Variants in TTN observed in about 807,000 individuals in gnomAD.
TTN encodes titin, also known as connectin.
A neutral mutation model predicts 3,223.0 loss-of-function variants in TTN; 1,525 were observed. That is an observed-to-expected ratio of 0.47 (90% CI 0.45 to 0.49). The LOEUF (loss-of-function observed/expected upper bound fraction) is 0.49, where lower values mean the gene tolerates loss of function less well. Among genes scored for constraint, TTN ranks in the 20% least tolerant of loss-of-function variants. TTN has a pLI of 0.00. For synonymous variants in TTN, 14,094 were observed against 15,161.0 expected, an observed-to-expected ratio of 0.93 and a Z score of 5.17; for missense variants, 40,786 against 43,424.0, an observed-to-expected ratio of 0.94 and a Z score of 5.40.
In TTN at chr2:178,636,472, T is replaced by A; in HGVS notation, c.41255A>T (p.Asp13752Val). 1 of 1,613,340 alleles carries A rather than the reference T, an allele frequency of 6.2e-7. No individual in the cohort carries two copies. The highest frequency in any genetic ancestry group is 8.5e-7 in the Non-Finnish European group (1 of 1,179,538). The change falls in exon 225 of 363, where the codon GAT becomes GTT. Residue 13752 changes from aspartate (D) to valine (V), a missense_variant. Asp to Val is a radical substitution (Grantham distance 152). Transcript: ENST00000589042. The surrounding 1 kb of genome is among the most constrained non-coding windows in gnomAD (Gnocchi z 4.3). ...TAAAACACAGGTGTATTCACCAGCATCGGAAAGTTGAACATCAATGATGTG... is the reference window on the plus strand; with the variant it reads ...TAAAACACAGGTGTATTCACCAGCAACGGAAAGTTGAACATCAATGATGTG... The part of the protein sequence containing the change: ...KLHIIDVQLS[D>V]AGEYTCVLRL...
At position 178,539,136 on chromosome 2, in the gene TTN, G is replaced by A. The variant is rs372777049; in HGVS notation, c.98799C>T (p.Tyr32933=). The A allele has an allele frequency of 8.7e-6, 14 of 1,613,790 alleles. No homozygotes were observed. Among genetic ancestry groups the A allele is most frequent in the African/African-American group, 1.3e-5 (1 of 75,030 alleles). ...DDGGSRVTGY[Y]IERKETSTDK... ...CAGTGGATGTCTCTTTGCGTTCGATGTAGTAGCCTGTGACTCTAGAACCAC... is the reference window on the plus strand; with the variant it reads ...CAGTGGATGTCTCTTTGCGTTCGATATAGTAGCCTGTGACTCTAGAACCAC... The change falls in exon 353 of 363, where the codon TAC becomes TAT. Residue 32933 remains tyrosine, a synonymous_variant. Transcript: ENST00000589042.
chr2:178,684,738 G>A lies in TTN; in HGVS notation c.32566C>T (p.Pro10856Ser), dbSNP rs1201012470. Reference sequence around the variant, plus strand: ...TTTTTTTCTGGAACTGGTTTCTTTGGCTCTTCTGGCACTTAAAAGATACCA... The same window carrying A: ...TTTTTTTCTGGAACTGGTTTCTTTGACTCTTCTGGCACTTAAAAGATACCA... ...KVPPPKVPEE[P>S]KKPVPEKKVP... The change falls in exon 131 of 363, where the codon CCA becomes TCA. Residue 10856 changes from proline to serine, a missense_variant. Transcript: ENST00000589042. The A allele has an allele frequency of 1.9e-6, 3 of 1,613,106 alleles. No homozygotes were observed. The highest frequency in any genetic ancestry group is 1.7e-5 in the Admixed American group (1 of 59,918).
At position 178,714,130 on chromosome 2, in the gene TTN, G is replaced by A. The variant is rs72648990; in HGVS notation, c.26528C>T (p.Thr8843Met). Residue 8843 changes from threonine to methionine, a missense_variant, in exon 92 of 363, where the codon ACG becomes ATG. By Grantham distance (81) the Thr-to-Met change is moderately conservative (BLOSUM62 -1). Coordinates refer to ENST00000589042, the MANE Select transcript of TTN (RefSeq NM_001267550.2). ...ACACTCCAAGGTACAGGTGTCTCCC[G>A]TGGTAACTTTTATGGATTCTGGCTT... ...VEKPESIKVTTGDTCTLECTV... is the reference protein window; with the variant it reads ...VEKPESIKVTMGDTCTLECTV... The A allele has an allele frequency of 3.8e-4, 615 of 1,613,490 alleles. 2 individuals are homozygous for A. Among genetic ancestry groups the A allele is most frequent in the Middle Eastern group, 3.0e-3 (18 of 6,056 alleles).
Position 178,799,905 on chromosome 2 carries a change from C to T in TTN, c.589G>A (p.Glu197Lys), listed in dbSNP as rs2154358690. The change falls in exon 5 of 363, where the codon GAA (glutamate) becomes AAA (lysine). Residue 197 changes from glutamate (E) to lysine (K), a missense_variant. Glu to Lys is a moderately conservative substitution (Grantham distance 56, BLOSUM62 1). Coordinates refer to ENST00000589042, the MANE Select transcript of TTN (RefSeq NM_001267550.2). Reference sequence around the variant, plus strand: ...TTTGTCTTTTTAGCAGGTACTTCTTCTTCACCTGTGGGAAGGGAAAGATGA... The same window carrying T: ...TTTGTCTTTTTAGCAGGTACTTCTTTTTCACCTGTGGGAAGGGAAAGATGA... ...STAELLVQGE[E>K]EVPAKKTKTI... The T allele has an allele frequency of 3.1e-6, 5 of 1,614,098 alleles. No homozygotes were observed. Among genetic ancestry groups the T allele is most frequent in the African/African-American group, 1.3e-5 (1 of 75,040 alleles).
In TTN at chr2:178,680,305, C is replaced by T. The variant is rs200321239; in HGVS notation, c.33367G>A (p.Ala11123Thr). The change falls in exon 139 of 363, where the codon GCA becomes ACA. Residue 11123 changes from alanine to threonine, a missense_variant. Coordinates refer to ENST00000589042, the MANE Select transcript of TTN (RefSeq NM_001267550.2). The stretch of plus-strand genomic sequence containing the variant: ...CTAGGGACAGGTACTTTTTCTTCTG[C>T]GACAACCCTCTTGGGCTTCATGGGC... Reference protein sequence around the residue: ...KVPMKPKRVVAEEKVPVPRKE... With the variant: ...KVPMKPKRVVTEEKVPVPRKE... The T allele has an allele frequency of 4.0e-5, 64 of 1,611,652 alleles. 1 individual carries two copies. In the African/African-American group the frequency reaches 5.3e-4, roughly 13 times the overall value.
Position 178,740,996 on chromosome 2 carries a change from A to G in TTN, c.12237T>C (p.Ile4079=). The stretch of plus-strand genomic sequence containing the variant: ...CTTCTGTAATTAAAGCAGCTTTCAA[A>G]ATGGTGTCTTTTACAAACGTTGCAA... ...QEIATFVKDT[I]LKAALITEEN... Residue 4079 remains isoleucine, a synonymous_variant, in exon 48 of 363, where the codon ATT becomes ATC. Transcript: ENST00000589042. 6.2e-7 allele frequency: 1 copy of G among 1,613,936 alleles called. No homozygotes were observed. Among genetic ancestry groups the G allele is most frequent in the East Asian group, 2.2e-5 (1 of 44,880 alleles).
At position 178,706,868 on chromosome 2, in the gene TTN, C is replaced by A; in HGVS notation, c.29128G>T (p.Val9710Leu). Reference sequence around the variant, plus strand: ...TCTCATGAAGTGCACTTACTTTCTACGACTCTGATACTCTGAGGTTCTGAC... The same window carrying A: ...TCTCATGAAGTGCACTTACTTTCTAAGACTCTGATACTCTGAGGTTCTGAC... ...FVSEPQSIRV[V>L]EKTTATFIAK... The change falls in exon 101 of 363, where the codon GTA (valine) becomes TTA (leucine). Residue 9710 changes from valine (V) to leucine (L), a missense_variant. Transcript: ENST00000589042. 6.2e-7 allele frequency: 1 copy of A among 1,611,768 alleles called. No individual in the cohort carries two copies. The highest frequency in any genetic ancestry group is 8.5e-7 in the Non-Finnish European group (1 of 1,178,746).
At position 178,533,977 on chromosome 2, in the gene TTN, T is replaced by C. The variant is rs375332499; in HGVS notation, c.102638A>G (p.Asn34213Ser). Reference sequence around the variant, plus strand: ...ATAAGAACTGTCTTCACCATAGTCATTGACTACTTTGCATCTGTAGGTACC... The same window carrying C: ...ATAAGAACTGTCTTCACCATAGTCACTGACTACTTTGCATCTGTAGGTACC... ...DDGTYRCKVVNDYGEDSSYAE... is the reference protein window; with the variant it reads ...DDGTYRCKVVSDYGEDSSYAE... The change falls in exon 358 of 363, where the codon AAT (asparagine) becomes AGT (serine). Residue 34213 changes from asparagine (N) to serine (S), a missense_variant. Coordinates refer to ENST00000589042, the MANE Select transcript of TTN (RefSeq NM_001267550.2). The C allele has an allele frequency of 3.1e-6, 5 of 1,613,838 alleles. No individual in the cohort carries two copies. The highest frequency in any genetic ancestry group is 1.1e-5 in the South Asian group (1 of 91,090).
In TTN at chr2:178,633,947, G is replaced by A. The variant is rs373503028; in HGVS notation, c.42552C>T (p.Ser14184=). ...WFKNDAKLHT[S]RTVLISSEGK... is the part of the protein sequence containing the mutation. ...CCTCAGAAGAGATGAGTACTGTTCT[G>A]CTTGTATGGAGTTTGGCATCATTTT... The change falls in exon 231 of 363, where the codon AGC becomes AGT. Residue 14184 remains serine, a synonymous_variant. Transcript: ENST00000589042. 1.2e-6 allele frequency: 2 copies of A among 1,613,178 alleles called. No individual in the cohort carries two copies. The highest frequency in any genetic ancestry group is 2.7e-5 in the African/African-American group (2 of 74,814).
At position 178,559,736 on chromosome 2, in the gene TTN, G is replaced by A; in HGVS notation, c.86396C>T (p.Ala28799Val). 4 of 1,599,164 alleles carry A rather than the reference G, an allele frequency of 2.5e-6. No homozygotes were observed. The highest frequency in any genetic ancestry group is 3.4e-6 in the Non-Finnish European group (4 of 1,172,122). Reference protein sequence around the residue: ...SKPDTDLRTRAYVDTTDSRTS... With the variant: ...SKPDTDLRTRVYVDTTDSRTS... The stretch of plus-strand genomic sequence containing the variant: ...ACGAGAGTCTGTGGTATCAACATAA[G>A]CTCTAGTACGGAGGTCAGTGTCTGG... The change falls in exon 326 of 363, where the codon GCT becomes GTT. Residue 28799 changes from alanine (A) to valine (V), a missense_variant. Physicochemically the swap from Ala to Val is moderately conservative, Grantham distance 64 (BLOSUM62 0). Coordinates refer to ENST00000589042, the MANE Select transcript of TTN (RefSeq NM_001267550.2).
chr2:178,531,489 T>C lies in TTN; in HGVS notation c.105126A>G (p.Gln35042=), dbSNP rs1037167954. The C allele has an allele frequency of 6.2e-7, 1 of 1,613,942 alleles. No individual in the cohort carries two copies. Among genetic ancestry groups the C allele is most frequent in the Non-Finnish European group, 8.5e-7 (1 of 1,179,888 alleles). Residue 35042 remains glutamine (Q), a synonymous_variant, in exon 358 of 363, where the codon CAA becomes CAG. Coordinates refer to ENST00000589042, the MANE Select transcript of TTN (RefSeq NM_001267550.2). ...ATCTGGGGACCTCTTCATCTCTGCG[T>C]TGGGAAGCATAGGTGGTATAATCCC... ...TGGDYTTYAS[Q]RRDEEVPRSV...
At position 178,756,534 on chromosome 2, in the gene TTN, A is replaced by T; in HGVS notation, c.10942T>A (p.Ser3648Thr). The part of the protein sequence containing the change: ...LSQIAESTEL[S>T]KECAKESTGE... Reference sequence around the variant, plus strand: ...GTGGACTCTTTAGCACATTCCTTAGATAGCTCAGTGCTTTCTGCAATTTGT... The same window carrying T: ...GTGGACTCTTTAGCACATTCCTTAGTTAGCTCAGTGCTTTCTGCAATTTGT... Residue 3648 changes from serine to threonine, a missense_variant, in exon 46 of 363, where the codon TCT becomes ACT. By Grantham distance (58) the Ser-to-Thr change is moderately conservative. Transcript: ENST00000589042. The T allele has an allele frequency of 2.5e-6, 4 of 1,612,954 alleles. No homozygotes were observed. The highest frequency in any genetic ancestry group is 3.4e-6 in the Non-Finnish European group (4 of 1,179,208).
chr2:178,587,999 A>G lies in TTN; in HGVS notation c.63408T>C (p.Asp21136=), dbSNP rs1047829961. ...VRKEFTVTSL[D]ENQEYEFRVC... is the part of the protein sequence containing the mutation. Reference sequence around the variant, plus strand: ...CCCTGAACTCATATTCCTGGTTTTCATCCAAGCTGGTAACAGTGAATTCCT... The same window carrying G: ...CCCTGAACTCATATTCCTGGTTTTCGTCCAAGCTGGTAACAGTGAATTCCT... Residue 21136 remains aspartate, a synonymous_variant, in exon 305 of 363, where the codon GAT becomes GAC. Transcript: ENST00000589042. 2.5e-6 allele frequency: 4 copies of G among 1,612,706 alleles called. No individual in the cohort carries two copies. The highest frequency in any genetic ancestry group is 3.4e-6 in the Non-Finnish European group (4 of 1,179,318).
rs575175050 is a variant in TTN, at chr2:178,749,580, G to A, written c.11311+3544C>T. On this transcript the variant is annotated intron_variant, in intron 47 of 362. Coordinates refer to ENST00000589042, the MANE Select transcript of TTN (RefSeq NM_001267550.2). ...ACAGATTCTCCCTGGTCTTGCAGTT[G>A]CTGATCTCTGGAATATTTTCCATAA... 4 of 1,612,410 alleles carry A rather than the reference G, an allele frequency of 2.5e-6. No individual in the cohort carries two copies. In the South Asian group the frequency reaches 4.4e-5, roughly 18 times the overall value.
intron 12 of TTN, 25 bp from the exon 13 acceptor site, chr2:178,789,522 T>A: frequency 6.2e-7 from 1 of 1,612,606 alleles, no homozygotes; most frequent in Non-Finnish European, 8.5e-7. Context: ...AAAATCAAGA[T>A]TTAAGTTGAA....
intron 155 of TTN, 71 bp downstream of exon 155, chr2:178,671,900 A>G (rs2067053635): frequency 1.3e-6 from 2 of 1,527,926 alleles, no homozygotes; most frequent in Non-Finnish European, 1.8e-6. Flanking sequence ...CAAACTGAAC[A>G]CAAAATTTAC....
intron 316 of TTN, 36 bp from the exon 317 acceptor site, chr2:178,580,645 T>A (rs774053814): frequency 1.3e-6 from 2 of 1,570,632 alleles, no homozygotes; most frequent in African/African-American, 2.8e-5. Context: ...AAATAAAAAT[T>A]TAATAGTCAA....
At chr2:178,715,829 T>A in intron 88 of TTN, 55 bp from the exon 89 acceptor site, 1 of 1,475,436 alleles carries the variant, frequency 6.8e-7, no homozygotes, top group Non-Finnish European at 9.0e-7. Context: ...TGCATATAAT[T>A]CAAGATGAGG....
Position 178,725,894 on chromosome 2 carries a change from C to T in TTN, c.20428G>A (p.Ala6810Thr). ...QLRSSKKYKI[A>T]SKNFHTSIHI... is the part of the protein sequence containing the mutation. ...ATACTTGTGTGGAAGTTTTTGGATG[C>T]AATCTTGTATTTCTTGCTGCTTCTG... The change falls in exon 70 of 363, where the codon GCA (alanine) becomes ACA (threonine). Residue 6810 changes from alanine to threonine, a missense_variant. Transcript: ENST00000589042. 1 of 1,613,134 alleles carries T rather than the reference C, an allele frequency of 6.2e-7. No individual in the cohort carries two copies. The highest frequency in any genetic ancestry group is 8.5e-7 in the Non-Finnish European group (1 of 1,179,470).
Sources: allele counts gnomAD v4.1 joint callset, GRCh38; gene constraint gnomAD v4.1.1; non-coding constraint Gnocchi (gnomAD v3.1); transcripts MANE v1.5; gene names NCBI Gene and HGNC (gene_info 2026-07-23, HGNC 2026-07-21).